The following PKD1 variants were observed in gnomAD, a reference collection of about 807,000 sequenced individuals.
The protein encoded by PKD1 is polycystin 1, transient receptor potential channel interacting.
In PKD1, 81 loss-of-function variants were observed where a neutral mutation model predicts 361.7. The ratio of observed to expected loss-of-function variants is 0.22; its 90% CI spans 0.19 to 0.27. The LOEUF (loss-of-function observed/expected upper bound fraction) is 0.27, where lower values mean the gene tolerates loss of function less well. Ranked by LOEUF, PKD1 falls within the 10% of genes least tolerant of loss-of-function variation. The pLI is 1.00. For synonymous variants in PKD1, 3,615 were observed against 2,818.3 expected, an observed-to-expected ratio of 1.28 and a Z score of -8.95; for missense variants, 6,399 against 6,118.3, an observed-to-expected ratio of 1.05 and a Z score of -1.53.
In PKD1 at chr16:2,090,970, G is replaced by C. The variant is rs753237386; in HGVS notation, c.11917C>G (p.Arg3973Gly). The C allele has an allele frequency of 6.5e-7, 1 of 1,543,128 alleles. No homozygotes were observed. The highest frequency in any genetic ancestry group is 1.2e-5 in the South Asian group (1 of 85,408). Reference sequence around the variant, plus strand: ...GCCACCTGGTCGAAGCTAGTGAAGCGGCGCGGGCGGCCGCGCACGAAACGG... The same window carrying C: ...GCCACCTGGTCGAAGCTAGTGAAGCCGCGCGGGCGGCCGCGCACGAAACGG... ...WTRFVRGRPR[R>G]FTSFDQVAQL... is the part of the protein sequence containing the mutation. Residue 3973 changes from arginine to glycine, a missense_variant, in exon 43 of 46, where the codon CGC becomes GGC. Physicochemically the swap from Arg to Gly is moderately radical, Grantham distance 125 (BLOSUM62 -2). Transcript: ENST00000262304.
At position 2,111,501 on chromosome 16, in the gene PKD1, G is replaced by A. The variant is rs369869452; in HGVS notation, c.3666C>T (p.Ala1222=). 14 of 1,610,668 alleles carry A rather than the reference G, an allele frequency of 8.7e-6. No homozygotes were observed. Among genetic ancestry groups the A allele is most frequent in the South Asian group, 6.6e-5 (6 of 90,822 alleles). Residue 1222 remains alanine (A), a synonymous_variant, in exon 15 of 46, where the codon GCC becomes GCT. Transcript: ENST00000262304. Reference sequence around the variant, plus strand: ...CCACCACGGGGGCGCCCTGCTCCACGGCCAGGCTCATGTCCACGCTGAGTC... The same window carrying A: ...CCACCACGGGGGCGCCCTGCTCCACAGCCAGGCTCATGTCCACGCTGAGTC... ...LRGLSVDMSL[A]VEQGAPVVVS...
At chr16:2,101,572 C>T (rs1365807136) in intron 26 of PKD1, among the ~76,000 whole-genome samples, 2 of 152,196 alleles carry the variant, frequency 1.3e-5, no homozygotes, top group Non-Finnish European at 2.9e-5. Context: ...GAGCCAAGAT[C>T]ATGCCATTGC....
At chr16:2,112,214 A>G in intron 14 of PKD1, 126 bp downstream of exon 14, 1 of 856,414 alleles carries the variant, frequency 1.2e-6, no homozygotes, top group Non-Finnish European at 1.9e-6. Flanking sequence ...GGCCTAAGCC[A>G]TCAGCCCAGG....
chr16:2,097,868 C>T lies in PKD1; in HGVS notation c.10167G>A (p.Glu3389=). The part of the protein sequence containing the change: ...SFLTFSGLHA[E]QAFVGQMKSD... ...CCAGGACCCCCAGTAGAGTCCTCAC[C>T]TCAGCGTGGAGGCCTGAGAACGTGA... The change falls in exon 31 of 46, where the codon GAG becomes GAA. Residue 3389 remains glutamate, a splice_region_variant and synonymous_variant. Coordinates refer to ENST00000262304, the MANE Select transcript of PKD1 (RefSeq NM_001009944.3). 6.2e-7 allele frequency: 1 copy of T among 1,606,614 alleles called. No individual in the cohort carries two copies. The highest frequency in any genetic ancestry group is 1.3e-5 in the African/African-American group (1 of 74,890).
chr16:2,112,982 G>A lies in PKD1; in HGVS notation c.2986-19C>T. 4 of 1,593,640 alleles carry A rather than the reference G, an allele frequency of 2.5e-6. No homozygotes were observed. The highest frequency in any genetic ancestry group is 3.4e-6 in the Non-Finnish European group (4 of 1,176,454). On this transcript the variant is annotated intron_variant, in intron 12 of 45. Transcript: ENST00000262304. ...CCGTCAGCTGCAGGGACAGGCGTCA[G>A]TGAGCCCAGGTGGCAGGTGAGAGGC...
In PKD1 at chr16:2,111,752, C is replaced by T. The variant is rs1320061283; in HGVS notation, c.3415G>A (p.Val1139Met). ...VAVGVSDGVL[V>M]AGRPVTFYPH... ...TAGAAGGTGACGGGCCGGCCGGCCA[C>T]CAGGACGCCGTCACTCACACCCACA... Residue 1139 changes from valine to methionine, a missense_variant, in exon 15 of 46, where the codon GTG (valine) becomes ATG (methionine). Coordinates refer to ENST00000262304, the MANE Select transcript of PKD1 (RefSeq NM_001009944.3). The T allele has an allele frequency of 6.2e-7, 1 of 1,603,100 alleles. No individual in the cohort carries two copies. Among genetic ancestry groups the T allele is most frequent in the South Asian group, 1.1e-5 (1 of 89,998 alleles).
rs954720690 is a variant in PKD1, at chr16:2,090,671, T to C, written c.12138+3A>G. 4.3e-6 allele frequency: 7 copies of C among 1,612,018 alleles called. No individual in the cohort carries two copies. Among genetic ancestry groups the C allele is most frequent in the Non-Finnish European group, 5.9e-6 (7 of 1,179,896 alleles). ...CGCCCTCCCCGGCCGCGCAGTCACC[T>C]ACCAGGATGGCCAGCTGGGCGTAGG... is the stretch of plus-strand genomic sequence containing the variant. On this transcript the variant is annotated splice_donor_region_variant and intron_variant, in intron 44 of 45. Coordinates refer to ENST00000262304, the MANE Select transcript of PKD1 (RefSeq NM_001009944.3).
At chr16:2,105,500 G>A (rs780868371) in intron 20 of PKD1, 26 bp from the exon 21 acceptor site, 9 of 1,595,250 alleles carry the variant, frequency 5.6e-6, no homozygotes, top group Non-Finnish European at 5.1e-6. Flanking sequence ...GGCACAGCAA[G>A]CTGTCAGCAG....
At position 2,135,152 on chromosome 16, in the gene PKD1, G is replaced by A. The variant is rs2092935622; in HGVS notation, c.215+323C>T. ...TCCCCACCTCTCCGGGTACCCCGCAGCCCCAGGCCGCATCCCAATTCCTCT... is the reference window on the plus strand; with the variant it reads ...TCCCCACCTCTCCGGGTACCCCGCAACCCCAGGCCGCATCCCAATTCCTCT... On this transcript the variant is annotated intron_variant, in intron 1 of 45. Coordinates refer to ENST00000262304, the MANE Select transcript of PKD1 (RefSeq NM_001009944.3). 6 of 973,578 alleles carry A rather than the reference G, an allele frequency of 6.2e-6. No homozygotes were observed. In the South Asian group the frequency reaches 1.9e-4, roughly 31 times the overall value. 60.3% of individuals were successfully genotyped at this position (973,578 alleles called of 1,614,324 possible).
Position 2,110,826 on chromosome 16 carries a change from C to T in PKD1, c.4341G>A (p.Ala1447=), listed in dbSNP as rs369304730. The T allele has an allele frequency of 5.8e-5, 94 of 1,611,558 alleles. No individual in the cohort carries two copies. Among genetic ancestry groups the T allele is most frequent in the Admixed American group, 8.3e-5 (5 of 59,986 alleles). ...DPGSYLVTVT[A]SNNISAANDS... ...CATTGGCAGCAGAGATGTTGTTGGA[C>T]GCGGTGACTGTCACAAGATAGGAGC... The change falls in exon 15 of 46, where the codon GCG becomes GCA. Residue 1447 remains alanine, a synonymous_variant. Transcript: ENST00000262304.
rs1479606527 is a variant in PKD1, at chr16:2,104,589, C to T, written c.8070G>A (p.Lys2690=). The T allele has an allele frequency of 3.1e-6, 5 of 1,598,938 alleles. No individual in the cohort carries two copies. The highest frequency in any genetic ancestry group is 2.3e-4 in the Middle Eastern group (1 of 4,440). ...CRSCLKQTLH[K]LEAMMLILQA... Reference sequence around the variant, plus strand: ...GCAGGATGAGCATCATGGCCTCCAGCTTGTGCAGCGTCTGCTTCAGGCACG... The same window carrying T: ...GCAGGATGAGCATCATGGCCTCCAGTTTGTGCAGCGTCTGCTTCAGGCACG... Residue 2690 remains lysine (K), a synonymous_variant, in exon 22 of 46, where the codon AAG becomes AAA. Coordinates refer to ENST00000262304, the MANE Select transcript of PKD1 (RefSeq NM_001009944.3).
chr16:2,109,946 C>T lies in PKD1; in HGVS notation c.5221G>A (p.Glu1741Lys), dbSNP rs2092456617. 1 of 1,610,180 alleles carries T rather than the reference C, an allele frequency of 6.2e-7. No individual in the cohort carries two copies. Among genetic ancestry groups the T allele is most frequent in the Non-Finnish European group, 8.5e-7 (1 of 1,179,494 alleles). Residue 1741 changes from glutamate to lysine, a missense_variant, in exon 15 of 46, where the codon GAG becomes AAG. Physicochemically the swap from Glu to Lys is moderately conservative, Grantham distance 56. Coordinates refer to ENST00000262304, the MANE Select transcript of PKD1 (RefSeq NM_001009944.3). ...ACGACACCACTGCCACCAGCCAGCTCGGCACTGAGGGTGACGCTTGTGTTG... is the reference window on the plus strand; with the variant it reads ...ACGACACCACTGCCACCAGCCAGCTTGGCACTGAGGGTGACGCTTGTGTTG... ...AVNTSVTLSA[E>K]LAGGSGVVYT... is the part of the protein sequence containing the mutation.
At position 2,114,570 on chromosome 16, in the gene PKD1, A is replaced by T. The variant is rs765288592; in HGVS notation, c.2453T>A (p.Val818Asp). Residue 818 changes from valine (V) to aspartate (D), a missense_variant, in exon 11 of 46, where the codon GTC becomes GAC. Transcript: ENST00000262304. ...RHNLSCSFDV[V>D]SPVAGLRVIY... is the part of the protein sequence containing the mutation. ...GACCCGCAGCCCAGCCACTGGGGAG[A>T]CCACGTCAAAGCTGCAGGAGAGGTT... 6.3e-7 allele frequency: 1 copy of T among 1,594,342 alleles called. No homozygotes were observed. The highest frequency in any genetic ancestry group is 8.5e-7 in the Non-Finnish European group (1 of 1,178,850).
chr16:2,090,215 C>T, intron 45 of PKD1, 21 bp from the exon 46 acceptor site: 1 of 1,608,554 alleles, frequency 6.2e-7, no homozygotes, highest in Non-Finnish European at 8.5e-7. Context: ...CACAGGGGCT[C>T]AGTCAGTCCG....
At position 2,090,656 on chromosome 16, in the gene PKD1, G is replaced by A. The variant is rs369982883; in HGVS notation, c.12138+18C>T. The A allele has an allele frequency of 1.2e-5, 19 of 1,611,212 alleles. No homozygotes were observed. The African/African-American group carries it at 1.2e-4, about 10-fold the overall frequency. On this transcript the variant is annotated intron_variant, in intron 44 of 45. Transcript: ENST00000262304. ...TGAGCTGAGCTAAGACGCCCTCCCC[G>A]GCCGCGCAGTCACCTACCAGGATGG...
rs747424552 is a variant in PKD1, at chr16:2,116,575, G to C, written c.1676C>G (p.Pro559Arg). 18 of 1,570,876 alleles carry C rather than the reference G, an allele frequency of 1.1e-5. No individual in the cohort carries two copies. The highest frequency in any genetic ancestry group is 4.6e-5 in the East Asian group (2 of 43,016). ...PSGDLQGPLT[P>R]LAQQDGLSAP... ...TGAGAGGCCGTCCTGCTGTGCCAGA[G>C]GCGTCAGGGGTCCCTGCAGGTCCCC... Residue 559 changes from proline to arginine, a missense_variant, in exon 8 of 46, where the codon CCT becomes CGT. Transcript: ENST00000262304.
At chr16:2,113,576 C>CT (rs1199713378) in intron 11 of PKD1, among the ~76,000 whole-genome samples, 1 of 152,244 alleles carries the variant, frequency 6.6e-6, no homozygotes, top group Admixed American at 6.5e-5. Context: ...CCACCTCTCT[C>CT]TGAGTCTTCT....
rs2092730462 is a variant in PKD1 at position 2,122,121 on chromosome 16, G to C, written c.216-2743C>G. ...AAGAAGGGGACCAGAGGCCACCCCAGCTGAGGGGACAGAGCAGCCGAGGCC... is the reference window on the plus strand; with the variant it reads ...AAGAAGGGGACCAGAGGCCACCCCACCTGAGGGGACAGAGCAGCCGAGGCC... On this transcript the variant is annotated intron_variant, in intron 1 of 45. Coordinates refer to ENST00000262304, the MANE Select transcript of PKD1 (RefSeq NM_001009944.3). Among the ~76,000 whole-genome samples, 3 of 152,256 alleles carry C rather than the reference G, an allele frequency of 2.0e-5. No homozygotes were observed. The South Asian group carries it at 6.2e-4, about 31-fold the overall frequency.
At chr16:2,092,419 A>G in intron 39 of PKD1, 61 bp downstream of exon 39, 1 of 1,218,546 alleles carries the variant, frequency 8.2e-7, no homozygotes, top group Non-Finnish European at 1.2e-6. Flanking sequence ...GAGCTCCGCT[A>G]AAGGCTGCTC....
Sources: gnomAD v4.1 joint callset for allele counts (sites outside exome capture counted in the v4.1 genomes callset) on GRCh38, gnomAD v4.1.1 for gene constraint, MANE v1.5 for transcripts, NCBI Gene and HGNC (gene_info 2026-07-23, HGNC 2026-07-21) for gene names.